PKNOX2: variants seen among roughly 807,000 people sequenced by gnomAD.
The protein encoded by PKNOX2 is homeobox protein PKNOX2.
PKNOX2 carries 14 observed loss-of-function variants against 53.1 expected under a neutral mutation model. The ratio of observed to expected loss-of-function variants is 0.26; its 90% CI spans 0.17 to 0.41. The LOEUF (loss-of-function observed/expected upper bound fraction) is 0.41. Among genes scored for constraint, PKNOX2 ranks in the 10% least tolerant of loss-of-function variants. The probability of loss-of-function intolerance (pLI) is 1.00; values close to 1 mark genes in which losing one functional copy is unlikely to be tolerated. For missense variants in PKNOX2, 496 were observed against 602.8 expected, an observed-to-expected ratio of 0.82 and a Z score of 1.85; for synonymous variants, 257 against 242.8, an observed-to-expected ratio of 1.06 and a Z score of -0.54.
intron 6 of PKNOX2, among the ~76,000 whole-genome samples, chr11:125,396,733 T>C (rs1476643442): frequency 1.3e-5 from 2 of 152,194 alleles, no homozygotes; most frequent in African/African-American, 4.8e-5. Flanking sequence ...TAAAAATATG[T>C]TTACTCAATA....
At chr11:125,260,351 A>G (rs11220000) in intron 2 of PKNOX2, among the ~76,000 whole-genome samples, 3,046 of 152,198 alleles carry the variant, frequency 0.02, 105 homozygotes, top group African/African-American at 0.069. Context: ...GGCACGTGCC[A>G]CCACATCCAG....
chr11:125,216,004 A>ATTGCTCAACTTC (rs1940455348), intron 1 of PKNOX2, among the ~76,000 whole-genome samples: 1 of 152,178 alleles, frequency 6.6e-6, no homozygotes, highest in Non-Finnish European at 1.5e-5. Context: ...TGCTGACTTG[A>ATTGCTCAACTTC]ATTGCTCAAC....
intron 6 of PKNOX2, among the ~76,000 whole-genome samples, chr11:125,392,053 T>C (rs990671382): frequency 6.6e-6 from 1 of 152,192 alleles, no homozygotes; most frequent in African/African-American, 2.4e-5. Flanking sequence ...AAAAGACCCT[T>C]GGAGTTACTA....
At chr11:125,172,119 T>C (rs1319058569) in intron 1 of PKNOX2, among the ~76,000 whole-genome samples, 1 of 152,160 alleles carries the variant, frequency 6.6e-6, no homozygotes, top group East Asian at 1.9e-4. Flanking sequence ...GTCATGGTGC[T>C]CTGCGCTGTC....
chr11:125,354,329 A>G (rs1293737485), intron 4 of PKNOX2, among the ~76,000 whole-genome samples: 1 of 152,138 alleles, frequency 6.6e-6, no homozygotes, highest in Non-Finnish European at 1.5e-5. Flanking sequence ...CAGGAAACAA[A>G]GCCCACTCCC....
Position 125,172,905 on chromosome 11 carries a change from G to A in PKNOX2, c.-201+8129G>A, listed in dbSNP as rs1322034283. Among the ~76,000 whole-genome samples the A allele has an allele frequency of 2.6e-5, 4 of 152,272 alleles. No individual in the cohort carries two copies. In the East Asian group the frequency reaches 7.7e-4, roughly 29 times the overall value. On this transcript the variant is annotated intron_variant, in intron 1 of 12. Transcript: ENST00000298282. ...GACAAATGGATGTTCCTAGCGATAGGGGATGGCTCCATGAGGCAGCAATTT... is the reference window on the plus strand; with the variant it reads ...GACAAATGGATGTTCCTAGCGATAGAGGATGGCTCCATGAGGCAGCAATTT...
chr11:125,222,662 A>G (rs10579139), intron 1 of PKNOX2, among the ~76,000 whole-genome samples: 23 of 126,820 alleles, frequency 1.8e-4, no homozygotes, highest in South Asian at 5.0e-4. Context: ...TGTGCTGTGT[A>G]TGTGTGTGTG....
intron 4 of PKNOX2, among the ~76,000 whole-genome samples, chr11:125,360,114 C>T (rs908457361): frequency 1.3e-5 from 2 of 150,404 alleles, no homozygotes; most frequent in Non-Finnish European, 3.0e-5. Context: ...CCATTGCACT[C>T]CAGCCTGGGC....
rs1955459811 is a variant in PKNOX2 at position 125,410,769 on chromosome 11, G to A, written c.719-10G>A. ...ATGGCAGGGGACCCCAAAACTGGTT[G>A]TCTCCTCAGGTGGAGCCTTATACCA... On this transcript the variant is annotated splice_polypyrimidine_tract_variant and intron_variant, in intron 8 of 12. Transcript: ENST00000298282. 2 of 1,612,370 alleles carry A rather than the reference G, an allele frequency of 1.2e-6. No homozygotes were observed. Among genetic ancestry groups the A allele is most frequent in the Admixed American group, 1.7e-5 (1 of 59,998 alleles).
At chr11:125,294,528 G>T (rs763492099) in intron 2 of PKNOX2, among the ~76,000 whole-genome samples, 96 of 152,330 alleles carry the variant, frequency 6.3e-4, no homozygotes, top group Non-Finnish European at 4.0e-4. Context: ...TTAGGGGACA[G>T]GGTTGGGTGG....
chr11:125,420,482 C>T (rs1291563512), intron 10 of PKNOX2, among the ~76,000 whole-genome samples: 8 of 149,354 alleles, frequency 5.4e-5, no homozygotes, highest in South Asian at 2.1e-4. Context: ...GCTGAGATTG[C>T]GCCACTGCAC....
chr11:125,206,249 GA>G (rs1939093908), intron 1 of PKNOX2, among the ~76,000 whole-genome samples: 1 of 152,046 alleles, frequency 6.6e-6, no homozygotes, highest in South Asian at 2.1e-4. Flanking sequence ...ACTGGAGAGG[GA>G]TTGTAGGCTC....
At chr11:125,213,943 G>A (rs1033172955) in intron 1 of PKNOX2, among the ~76,000 whole-genome samples, 2 of 152,098 alleles carry the variant, frequency 1.3e-5, no homozygotes, top group Non-Finnish European at 2.9e-5. Context: ...AGGAGGGCCA[G>A]GGAGGGGTTT....
In PKNOX2 at chr11:125,256,217, C is replaced by G. The variant is rs1251411354; in HGVS notation, c.-130+21102C>G. Among the ~76,000 whole-genome samples the G allele has an allele frequency of 2.0e-5, 3 of 152,086 alleles. No homozygotes were observed. In the East Asian group the frequency reaches 5.8e-4, roughly 30 times the overall value. ...TACAGCAGCCTCCCCATTCCATGAA[C>G]AGGGGAAGACCCAAGACACAGTTTC... On this transcript the variant is annotated intron_variant, in intron 2 of 12. Transcript: ENST00000298282.
intron 1 of PKNOX2, among the ~76,000 whole-genome samples, chr11:125,210,078 C>T (rs1939643384): frequency 6.6e-6 from 1 of 152,068 alleles, no homozygotes; most frequent in Non-Finnish European, 1.5e-5. Flanking sequence ...GAGAATGAAG[C>T]TATGCCGTAA....
intron 2 of PKNOX2, among the ~76,000 whole-genome samples, chr11:125,301,466 C>T (rs978316651): frequency 1.3e-5 from 2 of 151,662 alleles, no homozygotes; most frequent in South Asian, 2.1e-4. Flanking sequence ...AGCATCAAAT[C>T]GATATTTTTC....
intron 10 of PKNOX2, among the ~76,000 whole-genome samples, chr11:125,417,893 A>T (rs867940875): frequency 5.3e-4 from 81 of 151,908 alleles, no homozygotes; most frequent in Non-Finnish European, 2.1e-4. Flanking sequence ...AGCCACAAGG[A>T]GCTGAGGGCT....
chr11:125,237,673 G>A (rs538804209), intron 2 of PKNOX2, among the ~76,000 whole-genome samples: 1 of 152,326 alleles, frequency 6.6e-6, no homozygotes, highest in South Asian at 2.1e-4. Flanking sequence ...GGCCCTCGGA[G>A]GCCAGGCAAG....
At chr11:125,293,088 G>T (rs1391078604) in intron 2 of PKNOX2, among the ~76,000 whole-genome samples, 1 of 152,152 alleles carries the variant, frequency 6.6e-6, no homozygotes, top group Non-Finnish European at 1.5e-5. Context: ...TATATGCATA[G>T]AATCTCCCTG....
Sources: allele counts gnomAD v4.1 joint callset (sites outside exome capture counted in the v4.1 genomes callset), GRCh38; gene constraint gnomAD v4.1.1; transcripts MANE v1.5; gene names NCBI Gene and HGNC (gene_info 2026-07-23, HGNC 2026-07-21).